Variants in NTM observed in about 807,000 individuals in gnomAD.
The protein encoded by NTM is IgLON family member 2.
Under a neutral mutation model 42.1 loss-of-function variants are expected in NTM, and 13 were observed. That is an observed-to-expected ratio of 0.31 (90% CI 0.20 to 0.49). The LOEUF is 0.49. NTM is among the 20% of genes least tolerant of loss of function. The pLI, the probability that NTM is intolerant of heterozygous loss-of-function variation, is 0.99. For missense variants in NTM, 373 were observed against 452.8 expected, an observed-to-expected ratio of 0.82 and a Z score of 1.60; for synonymous variants, 187 against 179.2, an observed-to-expected ratio of 1.04 and a Z score of -0.35.
At position 132,314,654 on chromosome 11, in the gene NTM, C is replaced by T. The variant is rs200882868; in HGVS notation, c.885C>T (p.Cys295=). Residue 295 remains cysteine (C), a synonymous_variant, in exon 7 of 9, where the codon TGC becomes TGT. Transcript: ENST00000683400. ...AACATGACTATGGGAACTACACTTG[C>T]GTGGCCTCCAACAAGCTGGGCCACA... is the stretch of plus-strand genomic sequence containing the variant. ...VSEHDYGNYT[C]VASNKLGHTN... 1.9e-5 allele frequency: 31 copies of T among 1,613,738 alleles called. No individual in the cohort carries two copies. Among genetic ancestry groups the T allele is most frequent in the Admixed American group, 1.3e-4 (8 of 59,960 alleles).
chr11:131,551,248 A>G (rs1314322368), intron 1 of NTM, among the ~76,000 whole-genome samples: 1 of 152,214 alleles, frequency 6.6e-6, no homozygotes, highest in Non-Finnish European at 1.5e-5. Flanking sequence ...GGTGACCTTT[A>G]GAGAGCAGAG....
At chr11:132,334,804 C>T (rs1227340175) in intron 8 of NTM, among the ~76,000 whole-genome samples, 2 of 151,724 alleles carry the variant, frequency 1.3e-5, no homozygotes, top group African/African-American at 2.4e-5. Flanking sequence ...AGGCCCAGGA[C>T]ACTTTAACCT....
At chr11:131,768,886 C>A (rs2085578574) in intron 1 of NTM, among the ~76,000 whole-genome samples, 1 of 152,170 alleles carries the variant, frequency 6.6e-6, no homozygotes, top group Non-Finnish European at 1.5e-5. Flanking sequence ...GTAGACTGGA[C>A]AAATAATATG....
chr11:131,824,206 A>G (rs2136451829), intron 1 of NTM, among the ~76,000 whole-genome samples: 1 of 152,314 alleles, frequency 6.6e-6, no homozygotes, highest in Non-Finnish European at 1.5e-5. Context: ...AGGAACAGCA[A>G]ATTTTAACAA....
At chr11:131,838,962 CT>C (rs552384739) in intron 1 of NTM, among the ~76,000 whole-genome samples, 730 of 136,926 alleles carry the variant, frequency 5.3e-3, no homozygotes, top group Middle Eastern at 7.8e-3. Context: ...AGTAAATAAT[CT>C]TTTTTTTTTT....
intron 1 of NTM, chr11:131,605,773 G>A: frequency 1.0e-6 from 1 of 983,536 alleles, no homozygotes; most frequent in South Asian, 4.7e-5. Flanking sequence ...AAATAAAGGT[G>A]CCCTATTCAA....
rs1565552570 is a variant in NTM at position 131,789,602 on chromosome 11, A to AAGGAGAAGGAGAAGGAGAAGG, written c.83-121960_83-121959insGAGAAGGAGAAGGAGAAGGAG. On this transcript the variant is annotated intron_variant, in intron 1 of 8. Transcript: ENST00000683400. ...GAAGAAGAAGAAGAAGAAGAAGAAG[A>AAGGAGAAGGAGAAGGAGAAGG]AGAAGAAGAAGAAGAAGAAGAAGAA... 2.8e-5 allele frequency among the ~76,000 whole-genome samples: 2 copies of AAGGAGAAGGAGAAGGAGAAGG among 71,886 alleles called. 1 individual carries two copies. Among genetic ancestry groups the AAGGAGAAGGAGAAGGAGAAGG allele is most frequent in the Non-Finnish European group, 5.5e-5 (2 of 36,356 alleles). 47.2% of individuals were successfully genotyped at this position (71,886 alleles called of 152,430 possible). A position where few individuals can be genotyped will look rare whatever the true frequency, so the allele number is the denominator to read the frequency against.
chr11:131,759,474 C>T (rs892599258), intron 1 of NTM, among the ~76,000 whole-genome samples: 3 of 152,174 alleles, frequency 2.0e-5, no homozygotes, highest in African/African-American at 7.2e-5. Context: ...AGCTTACCAA[C>T]TTTTCTTTCC....
At chr11:132,063,780 A>G (rs867038384) in intron 2 of NTM, among the ~76,000 whole-genome samples, 2 of 152,326 alleles carry the variant, frequency 1.3e-5, no homozygotes, top group Middle Eastern at 3.4e-3. Flanking sequence ...AGGGAACACA[A>G]TTAGGAATCC....
Position 131,429,579 on chromosome 11 carries a change from G to A in NTM, c.82+58691G>A, listed in dbSNP as rs552665615. On this transcript the variant is annotated intron_variant, in intron 1 of 8. Transcript: ENST00000683400. ...ACACAAATAAATAGCTGTTTATCTCGCATAGGAGTGGGGAAACAAATGAAA... is the reference window on the plus strand; with the variant it reads ...ACACAAATAAATAGCTGTTTATCTCACATAGGAGTGGGGAAACAAATGAAA... Among the ~76,000 whole-genome samples, 104 of 152,228 alleles carry A rather than the reference G, an allele frequency of 6.8e-4. 3 individuals carry two copies. In the South Asian group the frequency reaches 0.02, roughly 29 times the overall value.
At chr11:132,329,907 T>G (rs2095764411) in intron 7 of NTM, among the ~76,000 whole-genome samples, 1 of 152,180 alleles carries the variant, frequency 6.6e-6, no homozygotes, top group South Asian at 2.1e-4. Flanking sequence ...CTGACTGTCG[T>G]TCACATCCTT....
At chr11:132,276,425 G>T (rs2093729205) in intron 4 of NTM, among the ~76,000 whole-genome samples, 1 of 152,110 alleles carries the variant, frequency 6.6e-6, no homozygotes, top group South Asian at 2.1e-4. Flanking sequence ...ATAGAGGATT[G>T]CTTGCAAGCT....
chr11:132,310,826 T>G (rs2095258573), intron 6 of NTM, among the ~76,000 whole-genome samples: 1 of 152,186 alleles, frequency 6.6e-6, no homozygotes. Context: ...TGTGAGTCAC[T>G]GAAGATGATC....
intron 2 of NTM, among the ~76,000 whole-genome samples, chr11:132,061,604 G>T (rs766435642): frequency 6.6e-6 from 1 of 152,164 alleles, no homozygotes; most frequent in Non-Finnish European, 1.5e-5. Context: ...TGATCTAATA[G>T]CATCTGATAA....
chr11:131,776,582 ATT>A (rs529812913), intron 1 of NTM, among the ~76,000 whole-genome samples: 4 of 147,276 alleles, frequency 2.7e-5, no homozygotes, highest in Middle Eastern at 3.6e-3. Context: ...TATTTTAGAC[ATT>A]TTTTTTTTTT....
chr11:131,422,607 C>T (rs1947655241), intron 1 of NTM, among the ~76,000 whole-genome samples: 1 of 152,184 alleles, frequency 6.6e-6, no homozygotes, highest in South Asian at 2.1e-4. Flanking sequence ...CCTCCCCGCT[C>T]CAAATCATAC....
At chr11:131,984,355 CT>C (rs2065739019) in intron 2 of NTM, 2 of 152,310 alleles carry the variant, frequency 1.3e-5, no homozygotes, top group South Asian at 4.1e-4. Context: ...AGTAAAACAC[CT>C]TATTTGGAAA....
At chr11:132,029,084 G>GT (rs1035076130) in intron 2 of NTM, among the ~76,000 whole-genome samples, 14 of 150,950 alleles carry the variant, frequency 9.3e-5, no homozygotes, top group Admixed American at 2.0e-4. Context: ...GTTTTGTTTT[G>GT]TTTTTTTGCT....
chr11:132,014,628 TG>T (rs1362115997), intron 2 of NTM, among the ~76,000 whole-genome samples: 1 of 152,038 alleles, frequency 6.6e-6, no homozygotes, highest in Non-Finnish European at 1.5e-5. Flanking sequence ...ATTTCTCAGA[TG>T]ATGAGTGATG....
Sources: gnomAD v4.1 joint callset for allele counts (sites outside exome capture counted in the v4.1 genomes callset) on GRCh38, gnomAD v4.1.1 for gene constraint, MANE v1.5 for transcripts, NCBI Gene and HGNC (gene_info 2026-07-23, HGNC 2026-07-21) for gene names.